Variants in RPRD2 observed in about 807,000 individuals in gnomAD.
The protein encoded by RPRD2 is regulation of nuclear pre-mRNA domain containing 2.
In RPRD2, 12 loss-of-function variants were observed where a neutral mutation model predicts 104.4. The ratio of observed to expected loss-of-function variants is 0.11; its 90% CI spans 0.07 to 0.19. RPRD2 has a LOEUF of 0.19. Among genes scored for constraint, RPRD2 ranks in the 10% least tolerant of loss-of-function variants. RPRD2 has a pLI of 1.00. For missense variants in RPRD2, 1,543 were observed against 1,790.1 expected (o/e 0.86, Z 2.49); for synonymous variants, 714 against 684.9 (o/e 1.04, Z -0.66).
At chr1:150,461,121 G>A (rs182266024) in intron 9 of RPRD2, among the ~76,000 whole-genome samples, 3 of 151,926 alleles carry the variant, frequency 2.0e-5, no homozygotes, top group Admixed American at 6.6e-5. Context: ...TAGGCCAGGC[G>A]TGGTGGCTCA....
intron 10 of RPRD2, among the ~76,000 whole-genome samples, chr1:150,465,643 C>T (rs1553899749): frequency 6.6e-6 from 1 of 152,142 alleles, no homozygotes; most frequent in African/African-American, 2.4e-5. Context: ...TATTCTTTCA[C>T]CTACACCATG....
rs1666669951 is a variant in RPRD2 at position 150,445,094 on chromosome 1, A to G, written c.694+717A>G. On this transcript the variant is annotated intron_variant, in intron 6 of 10. Coordinates refer to ENST00000369068, the MANE Select transcript of RPRD2 (RefSeq NM_015203.5). ...CCTAGCTGCTTGGGAGGCTGAGGCA[A>G]GCAGATTGTTTGACCCCAGGAGGCT... Among the ~76,000 whole-genome samples, 4 of 152,252 alleles carry G rather than the reference A, an allele frequency of 2.6e-5. No homozygotes were observed. The South Asian group carries it at 8.3e-4, about 32-fold the overall frequency.
At chr1:150,445,455 G>A (rs1184773140) in intron 6 of RPRD2, among the ~76,000 whole-genome samples, 2 of 152,174 alleles carry the variant, frequency 1.3e-5, no homozygotes, top group Admixed American at 1.3e-4. Context: ...TTATTGTGAT[G>A]CATACAGAGG....
chr1:150,395,807 C>T (rs1310837969), intron 1 of RPRD2, among the ~76,000 whole-genome samples: 5 of 152,212 alleles, frequency 3.3e-5, no homozygotes, highest in Non-Finnish European at 7.3e-5. Context: ...CCGCGTCCGG[C>T]CGCAAGTATC....
At chr1:150,439,456 G>A (rs960278947) in intron 2 of RPRD2, among the ~76,000 whole-genome samples, 2 of 151,850 alleles carry the variant, frequency 1.3e-5, no homozygotes, top group South Asian at 2.1e-4. Context: ...GTTCAGCCTC[G>A]ACAACTGAGT....
intron 10 of RPRD2, 97 bp downstream of exon 10, chr1:150,464,824 A>C: frequency 1.3e-6 from 1 of 789,682 alleles, no homozygotes; most frequent in Non-Finnish European, 2.1e-6. Flanking sequence ...GAGCCATAAA[A>C]TGTATAACAC....
chr1:150,376,181 T>C (rs1277642258), intron 1 of RPRD2, among the ~76,000 whole-genome samples: 1 of 152,102 alleles, frequency 6.6e-6, no homozygotes, highest in Non-Finnish European at 1.5e-5. Context: ...GAAATGAAAA[T>C]GTTTGGTTTG....
chr1:150,382,320 TGTA>T (rs1430071673), intron 1 of RPRD2, among the ~76,000 whole-genome samples: 1 of 152,224 alleles, frequency 6.6e-6, no homozygotes, highest in Non-Finnish European at 1.5e-5. Context: ...AGCAACATCT[TGTA>T]GTTCTAGAAA....
chr1:150,370,428 C>G (rs1553878142), intron 1 of RPRD2, among the ~76,000 whole-genome samples: 1 of 152,060 alleles, frequency 6.6e-6, no homozygotes, highest in South Asian at 2.1e-4. Flanking sequence ...AATTTACATT[C>G]CAGACACTGT....
chr1:150,454,984 T>C (rs1054441139), intron 7 of RPRD2, among the ~76,000 whole-genome samples: 4 of 152,200 alleles, frequency 2.6e-5, no homozygotes, highest in African/African-American at 9.6e-5. Flanking sequence ...AGGACATCAA[T>C]AGGATTTAAG....
intron 8 of RPRD2, 104 bp from the exon 9 acceptor site, chr1:150,459,956 T>C: frequency 2.0e-6 from 2 of 981,866 alleles, no homozygotes; most frequent in Non-Finnish European, 3.0e-6. Flanking sequence ...TCTAAAGTAG[T>C]GCCTTTTCCC....
rs1457331708 is a variant in RPRD2, at chr1:150,474,633, A to G, written c.*1299A>G. On this transcript the variant is annotated 3_prime_UTR_variant, in exon 11 of 11. Transcript: ENST00000369068. The stretch of plus-strand genomic sequence containing the variant: ...TACTTGGGAAATAGACAATCACTGT[A>G]CTTTGAGTGTTTATATCTTTATATC... 1 of 152,194 alleles carries G rather than the reference A, an allele frequency of 6.6e-6. No homozygotes were observed. Among genetic ancestry groups the G allele is most frequent in the Non-Finnish European group, 1.5e-5 (1 of 68,032 alleles). 9.4% of individuals were successfully genotyped at this position (152,194 alleles called of 1,614,324 possible).
At chr1:150,461,824 C>CA (rs1362395087) in intron 9 of RPRD2, among the ~76,000 whole-genome samples, 3 of 151,538 alleles carry the variant, frequency 2.0e-5, no homozygotes, top group Admixed American at 6.6e-5. Context: ...ACTAAAAATA[C>CA]AAAAAAATAG....
In RPRD2 at chr1:150,399,346, A is replaced by G. The variant is rs117964699; in HGVS notation, c.206-18250A>G. On this transcript the variant is annotated intron_variant, in intron 1 of 10. Transcript: ENST00000369068. ...AATGCATTTTGAATTAATTTTTGCA[A>G]ATAGCATGAGATATGGCTCAATTTT... Among the ~76,000 whole-genome samples, 338 of 152,344 alleles carry G rather than the reference A, an allele frequency of 2.2e-3. 5 individuals carry two copies. In the East Asian group the frequency reaches 0.043, roughly 19 times the overall value.
chr1:150,414,563 A>C (rs1572425619), intron 1 of RPRD2, among the ~76,000 whole-genome samples: 1 of 152,142 alleles, frequency 6.6e-6, no homozygotes, highest in Admixed American at 6.6e-5. Context: ...GAGGACCCGG[A>C]GAGGTAGGAT....
At chr1:150,382,713 A>G (rs587769597) in intron 1 of RPRD2, among the ~76,000 whole-genome samples, 5 of 152,214 alleles carry the variant, frequency 3.3e-5, no homozygotes, top group Non-Finnish European at 7.4e-5. Context: ...GTACTTGCCT[A>G]TAGTCCCAGC....
intron 10 of RPRD2, among the ~76,000 whole-genome samples, chr1:150,465,129 G>A (rs2102426058): frequency 6.6e-6 from 1 of 152,014 alleles, no homozygotes; most frequent in South Asian, 2.1e-4. Context: ...ATAGGCATGA[G>A]CCACCATGCC....
rs1181127804 is a variant in RPRD2 at position 150,475,452 on chromosome 1, A to C, written c.*2118A>C. The C allele has an allele frequency of 6.6e-6, 1 of 152,626 alleles. No homozygotes were observed. Among genetic ancestry groups the C allele is most frequent in the Non-Finnish European group, 1.5e-5 (1 of 68,040 alleles). 9.5% of individuals were successfully genotyped at this position (152,626 alleles called of 1,614,324 possible). The stretch of plus-strand genomic sequence containing the variant: ...TCAGAAAATGTGGGGATGTCAGGAA[A>C]GTGGCTTCCTGAACGTTGGGGCGGG... On this transcript the variant is annotated 3_prime_UTR_variant, in exon 11 of 11. Transcript: ENST00000369068.
chr1:150,422,340 AAATAATAAT>A (rs145145770), intron 2 of RPRD2, among the ~76,000 whole-genome samples: 50 of 128,320 alleles, frequency 3.9e-4, no homozygotes, highest in African/African-American at 1.0e-3. Flanking sequence ...CTCTGTCTCA[AAATAATAAT>A]AATAATAATA....
Sources: gnomAD v4.1 joint callset for allele counts (sites outside exome capture counted in the v4.1 genomes callset) on GRCh38, gnomAD v4.1.1 for gene constraint, MANE v1.5 for transcripts, NCBI Gene and HGNC (gene_info 2026-07-23, HGNC 2026-07-21) for gene names.